RRM1: variants seen among roughly 807,000 people sequenced by gnomAD.
RRM1 encodes ribonucleotide reductase catalytic subunit M1, also known as ribonucleoside-diphosphate reductase large subunit.
RRM1 carries 19 observed loss-of-function variants against 101.5 expected under a neutral mutation model. The ratio of observed to expected loss-of-function variants is 0.19; its 90% CI spans 0.13 to 0.27. The LOEUF (loss-of-function observed/expected upper bound fraction) is 0.27. RRM1 is among the 10% of genes least tolerant of loss of function. The pLI, the probability that RRM1 is intolerant of heterozygous loss-of-function variation, is 1.00. For synonymous variants in RRM1, 298 were observed against 323.4 expected (o/e 0.92, Z 0.84); for missense variants, 500 against 962.9 (o/e 0.52, Z 6.36).
chr11:4,128,851 A>G (rs957142530), intron 14 of RRM1, among the ~76,000 whole-genome samples: 9 of 152,290 alleles, frequency 5.9e-5, no homozygotes, highest in Admixed American at 3.3e-4. Context: ...GTTTGTAGAT[A>G]TGACATGGGA....
chr11:4,134,380 AAT>A (rs1335096500), intron 17 of RRM1, among the ~76,000 whole-genome samples: 2 of 152,350 alleles, frequency 1.3e-5, no homozygotes, highest in African/African-American at 4.8e-5. Context: ...CTTAATTAAA[AAT>A]CATGGTTGAC....
At chr11:4,136,758 TTTC>T (rs1565191904) in intron 18 of RRM1, among the ~76,000 whole-genome samples, 2 of 150,292 alleles carry the variant, frequency 1.3e-5, no homozygotes, top group African/African-American at 5.0e-5. Context: ...TTGTTTGTTT[TTTC>T]TTTTTATTTA....
intron 4 of RRM1, among the ~76,000 whole-genome samples, chr11:4,108,523 G>A (rs1442010338): frequency 9.9e-5 from 15 of 151,192 alleles, no homozygotes; most frequent in Admixed American, 9.2e-4. Context: ...GCGTGAACCC[G>A]GGAGGCGGAG....
Position 4,138,433 on chromosome 11 carries a change from T to C in RRM1, c.*50T>C, listed in dbSNP as rs774342310. 8 of 1,466,174 alleles carry C rather than the reference T, an allele frequency of 5.5e-6. No homozygotes were observed. In the South Asian group the frequency reaches 1.1e-4, roughly 21 times the overall value. 90.8% of individuals were successfully genotyped at this position (1,466,174 alleles called of 1,614,324 possible). ...TGTCTTCAGTAGCCAAACTACTTCT[T>C]GAGCATAGATAGGTATAGTGGGTTT... is the stretch of plus-strand genomic sequence containing the variant. On this transcript the variant is annotated 3_prime_UTR_variant, in exon 19 of 19. Coordinates refer to ENST00000300738, the MANE Select transcript of RRM1 (RefSeq NM_001033.5).
intron 1 of RRM1, among the ~76,000 whole-genome samples, chr11:4,096,780 G>A (rs2094544139): frequency 6.6e-6 from 1 of 151,992 alleles, no homozygotes. Flanking sequence ...TTGGATTACA[G>A]TGCTGGGAGC....
chr11:4,133,923 G>A (rs925565365), intron 17 of RRM1, among the ~76,000 whole-genome samples: 5 of 150,870 alleles, frequency 3.3e-5, no homozygotes, highest in Admixed American at 3.3e-4. Flanking sequence ...TTAAAATCCT[G>A]AAGCTTAGGT....
intron 9 of RRM1, 155 bp from the exon 10 acceptor site, chr11:4,121,449 A>G (rs1216801025): frequency 8.3e-6 from 4 of 479,404 alleles, no homozygotes; most frequent in Admixed American, 4.0e-5. Context: ...TTACAATTAT[A>G]TATGGAAAAC....
At position 4,132,452 on chromosome 11, in the gene RRM1, G is replaced by A; in HGVS notation, c.1905+31G>A. ...CAGTTCACAACCAGCCTTACAGGGA[G>A]ATCTTTCAAAAGCCTGATGTTGGGA... On this transcript the variant is annotated intron_variant, in intron 16 of 18. Transcript: ENST00000300738. This position sits in a 1 kb window ranked among gnomAD's most constrained non-coding sequence, Gnocchi z 4.1. 1 of 1,610,340 alleles carries A rather than the reference G, an allele frequency of 6.2e-7. No individual in the cohort carries two copies.
intron 7 of RRM1, chr11:4,116,321 A>C (rs899833797): frequency 6.6e-6 from 1 of 152,244 alleles, no homozygotes; most frequent in South Asian, 2.1e-4. Flanking sequence ...TGAACCAAAA[A>C]CGAAGTCAAA....
At chr11:4,131,426 C>T (rs2094600114) in intron 15 of RRM1, among the ~76,000 whole-genome samples, 1 of 152,306 alleles carries the variant, frequency 6.6e-6, no homozygotes, top group South Asian at 2.1e-4. Context: ...GTATGCTAAG[C>T]ACTGTATGAA....
intron 7 of RRM1, among the ~76,000 whole-genome samples, chr11:4,113,372 A>C (rs1345281892): frequency 6.6e-6 from 1 of 152,236 alleles, no homozygotes; most frequent in African/African-American, 2.4e-5. Context: ...TTGTAAAATA[A>C]GAAAAAGAAA....
chr11:4,128,354 C>T (rs757375188), intron 14 of RRM1, among the ~76,000 whole-genome samples: 9 of 152,110 alleles, frequency 5.9e-5, no homozygotes, highest in African/African-American at 2.2e-4. Flanking sequence ...TCAAGTGATC[C>T]GCCTGCCTTG....
chr11:4,102,297 A>G (rs1654353270), intron 2 of RRM1, among the ~76,000 whole-genome samples: 1 of 152,194 alleles, frequency 6.6e-6, no homozygotes, highest in Admixed American at 6.5e-5. Flanking sequence ...AATGTGAGTA[A>G]AGAGGAAAAT....
chr11:4,103,881 G>C (rs2133289006), intron 2 of RRM1, among the ~76,000 whole-genome samples: 1 of 137,924 alleles, frequency 7.3e-6, no homozygotes, highest in Admixed American at 7.9e-5. Flanking sequence ...TGTCCGCCTT[G>C]GCCTCCCAAA....
At chr11:4,107,812 T>G (rs1434446701) in intron 4 of RRM1, among the ~76,000 whole-genome samples, 2 of 152,260 alleles carry the variant, frequency 1.3e-5, no homozygotes, top group East Asian at 1.9e-4. Context: ...TCATTGATAC[T>G]TTCTTCACTT....
At chr11:4,109,538 A>T in intron 4 of RRM1, 106 bp from the exon 5 acceptor site, 1 of 740,104 alleles carries the variant, frequency 1.4e-6, no homozygotes, top group Admixed American at 2.7e-5. Context: ...ATCTCATTGT[A>T]TCCTGTGTTG....
At chr11:4,108,979 GATT>G (rs1189848121) in intron 4 of RRM1, among the ~76,000 whole-genome samples, 1 of 152,010 alleles carries the variant, frequency 6.6e-6, no homozygotes, top group Non-Finnish European at 1.5e-5. Flanking sequence ...TCTCCAAAAT[GATT>G]ATTTGTACGT....
At chr11:4,130,350 A>G (rs988963963) in intron 15 of RRM1, among the ~76,000 whole-genome samples, 1 of 151,864 alleles carries the variant, frequency 6.6e-6, no homozygotes, top group Non-Finnish European at 1.5e-5. Flanking sequence ...TTTTCAGTAC[A>G]TTTGCAGATA....
chr11:4,108,025 G>C (rs1207685913), intron 4 of RRM1, among the ~76,000 whole-genome samples: 1 of 152,154 alleles, frequency 6.6e-6, no homozygotes, highest in African/African-American at 2.4e-5. Context: ...GAATATATCT[G>C]TAAGATAAAT....
Sources: allele counts gnomAD v4.1 joint callset (sites outside exome capture counted in the v4.1 genomes callset), GRCh38; gene constraint gnomAD v4.1.1; non-coding constraint Gnocchi (gnomAD v3.1); transcripts MANE v1.5; gene names NCBI Gene and HGNC (gene_info 2026-07-23, HGNC 2026-07-21).